SLC6A11: variants seen among roughly 807,000 people sequenced by gnomAD.
SLC6A11 encodes solute carrier family 6 member 11.
A neutral mutation model predicts 74.8 loss-of-function variants in SLC6A11; 25 were observed. That is an observed-to-expected ratio of 0.33 (90% CI 0.24 to 0.47). The LOEUF is 0.47. Among genes scored for constraint, SLC6A11 ranks in the 20% least tolerant of loss-of-function variants. The pLI, the probability that SLC6A11 is intolerant of heterozygous loss-of-function variation, is 1.00. For missense variants in SLC6A11, 574 were observed against 837.0 expected (o/e 0.69, Z 3.88); for synonymous variants, 330 against 330.2 (o/e 1.00, Z 0.01).
intron 6 of SLC6A11, among the ~76,000 whole-genome samples, chr3:10,882,411 T>C (rs1246725411): frequency 6.6e-6 from 1 of 152,144 alleles, no homozygotes; most frequent in Non-Finnish European, 1.5e-5. Context: ...GTGCATCTCA[T>C]CTGTCTTCCC....
chr3:10,927,850 A>G (rs1366625464), intron 9 of SLC6A11, among the ~76,000 whole-genome samples: 1 of 152,188 alleles, frequency 6.6e-6, no homozygotes, highest in African/African-American at 2.4e-5. Flanking sequence ...AAGGATTTGG[A>G]GCCGACAAAT....
chr3:10,900,524 C>T (rs1695227189), intron 6 of SLC6A11, among the ~76,000 whole-genome samples: 1 of 152,212 alleles, frequency 6.6e-6, no homozygotes, highest in South Asian at 2.1e-4. Flanking sequence ...ACAGAAGTGG[C>T]TACCTTCACC....
chr3:10,937,941 G>C (rs754011370), intron 13 of SLC6A11, among the ~76,000 whole-genome samples: 12 of 152,190 alleles, frequency 7.9e-5, no homozygotes, highest in Non-Finnish European at 1.8e-4. Flanking sequence ...CCTGATGACC[G>C]CTCTGAGTCC....
At chr3:10,933,429 A>C (rs1695717226) in intron 11 of SLC6A11, among the ~76,000 whole-genome samples, 176 bp downstream of exon 11, 1 of 152,118 alleles carries the variant, frequency 6.6e-6, no homozygotes, top group Non-Finnish European at 1.5e-5. Flanking sequence ...TTCTGCTTTC[A>C]CACCATGCAG....
chr3:10,855,861 C>T (rs959055894), intron 5 of SLC6A11, among the ~76,000 whole-genome samples: 2 of 152,170 alleles, frequency 1.3e-5, no homozygotes, highest in African/African-American at 2.4e-5. Flanking sequence ...GAAAGCTAAC[C>T]TCCTTCCCTT....
chr3:10,872,446 G>A (rs1694838741), intron 5 of SLC6A11, among the ~76,000 whole-genome samples: 1 of 152,116 alleles, frequency 6.6e-6, no homozygotes, highest in Admixed American at 6.6e-5. Flanking sequence ...TCCTTTATGG[G>A]CTGACACTTC....
chr3:10,852,943 G>A (rs1440856337), intron 5 of SLC6A11, among the ~76,000 whole-genome samples: 2 of 152,190 alleles, frequency 1.3e-5, no homozygotes, highest in South Asian at 2.1e-4. Flanking sequence ...GTGGCCAAGG[G>A]GAGTGGAATG....
At chr3:10,929,993 A>G (rs981664459) in intron 10 of SLC6A11, among the ~76,000 whole-genome samples, 1 of 152,146 alleles carries the variant, frequency 6.6e-6, no homozygotes, top group East Asian at 1.9e-4. Flanking sequence ...TTCTCCCCAT[A>G]TACACAAAAT....
In SLC6A11 at chr3:10,840,032, C is replaced by T. The variant is rs559174016; in HGVS notation, c.624-4182C>T. On this transcript the variant is annotated intron_variant, in intron 4 of 13. Coordinates refer to ENST00000254488, the MANE Select transcript of SLC6A11 (RefSeq NM_014229.3). The stretch of plus-strand genomic sequence containing the variant: ...GCAGACTCCTCTGCCCCACCCTGAC[C>T]GTTCATTCCTCCCATGGCAGCTAGA... Among the ~76,000 whole-genome samples, 12 of 152,264 alleles carry T rather than the reference C, an allele frequency of 7.9e-5. No homozygotes were observed. In the South Asian group the frequency reaches 1.9e-3, roughly 24 times the overall value.
chr3:10,865,448 G>T (rs951135085), intron 5 of SLC6A11, among the ~76,000 whole-genome samples: 1 of 152,202 alleles, frequency 6.6e-6, no homozygotes, highest in Non-Finnish European at 1.5e-5. Flanking sequence ...TGGATCACGA[G>T]GTCAGGAGAT....
At chr3:10,932,711 C>T (rs992322427) in intron 10 of SLC6A11, among the ~76,000 whole-genome samples, 4 of 152,114 alleles carry the variant, frequency 2.6e-5, no homozygotes, top group African/African-American at 2.4e-5. Context: ...CAGAGGGTCA[C>T]TTTAAACTAC....
intron 5 of SLC6A11, among the ~76,000 whole-genome samples, chr3:10,860,063 G>C (rs1272764661): frequency 6.6e-6 from 1 of 152,174 alleles, no homozygotes; most frequent in Admixed American, 6.5e-5. Flanking sequence ...GTAATTGGCT[G>C]TTTCTTTGCA....
chr3:10,854,747 C>T (rs1694618234), intron 5 of SLC6A11, among the ~76,000 whole-genome samples: 1 of 152,218 alleles, frequency 6.6e-6, no homozygotes, highest in Non-Finnish European at 1.5e-5. Flanking sequence ...CTCCTGAGTC[C>T]AGCATTCAAG....
Position 10,938,654 on chromosome 3 carries a change from C to A in SLC6A11, c.*252C>A. ...GACTGCCAGATCTTCTGTCCTAGGG[C>A]AGTTTTAATCAATGTTTTCTAGGGA... On this transcript the variant is annotated 3_prime_UTR_variant, in exon 14 of 14. Transcript: ENST00000254488. The A allele has an allele frequency of 2.9e-6, 1 of 342,136 alleles. No homozygotes were observed. The highest frequency in any genetic ancestry group is 7.5e-4 in the Middle Eastern group (1 of 1,340). 21.2% of individuals were successfully genotyped at this position (342,136 alleles called of 1,614,324 possible).
chr3:10,907,492 C>CT (rs1695321214), intron 6 of SLC6A11, among the ~76,000 whole-genome samples: 1 of 152,298 alleles, frequency 6.6e-6, no homozygotes, highest in South Asian at 2.1e-4. Flanking sequence ...ATTTTGGGAT[C>CT]TTTTTTCTCC....
At chr3:10,879,528 C>A (rs886816524) in intron 6 of SLC6A11, among the ~76,000 whole-genome samples, 4 of 152,174 alleles carry the variant, frequency 2.6e-5, no homozygotes, top group African/African-American at 9.7e-5. Context: ...CTCTAGGGGG[C>A]CATGTCCCCT....
In SLC6A11 at chr3:10,929,206, T is replaced by G; in HGVS notation, c.1238T>G (p.Val413Gly). 6.2e-7 allele frequency: 1 copy of G among 1,613,976 alleles called. No homozygotes were observed. Among genetic ancestry groups the G allele is most frequent in the Non-Finnish European group, 8.5e-7 (1 of 1,179,954 alleles). ...LIFLGLDSQFVCVESLVTAVV... is the reference protein window; with the variant it reads ...LIFLGLDSQFGCVESLVTAVV... Reference sequence around the variant, plus strand: ...CCATCATATCTCCCCATCCAGTTTGTGTGTGTGGAAAGCCTGGTGACCGCC... The same window carrying G: ...CCATCATATCTCCCCATCCAGTTTGGGTGTGTGGAAAGCCTGGTGACCGCC... Residue 413 changes from valine to glycine, a missense_variant, in exon 10 of 14, where the codon GTG becomes GGG. By Grantham distance (109) the Val-to-Gly change is moderately radical. Around this residue, in one of 4 missense-constraint regions of SLC6A11, gnomAD observed 257 missense variants for 341.5 expected, o/e 0.75. Coordinates refer to ENST00000254488, the MANE Select transcript of SLC6A11 (RefSeq NM_014229.3).
intron 6 of SLC6A11, among the ~76,000 whole-genome samples, chr3:10,897,010 A>G (rs570648965): frequency 5.3e-5 from 8 of 152,306 alleles, no homozygotes; most frequent in African/African-American, 1.2e-4. Context: ...TGAGAGGCAC[A>G]TCTCCCATGG....
chr3:10,854,353 C>T (rs1575677059), intron 5 of SLC6A11, among the ~76,000 whole-genome samples: 2 of 152,186 alleles, frequency 1.3e-5, no homozygotes, highest in East Asian at 1.9e-4. Flanking sequence ...CGCACCACTG[C>T]ACTCCAGCCT....
Sources: gnomAD v4.1 joint callset for allele counts (sites outside exome capture counted in the v4.1 genomes callset) on GRCh38, gnomAD v4.1.1 for gene constraint, gnomAD v4.1.1 regional missense constraint, MANE v1.5 for transcripts, NCBI Gene and HGNC (gene_info 2026-07-23, HGNC 2026-07-21) for gene names.